The following SLCO2A1 variants were observed in gnomAD, a reference collection of about 807,000 sequenced individuals.
SLCO2A1 encodes the protein solute carrier organic anion transporter family member 2A1.
In SLCO2A1, 60 loss-of-function variants were observed where a neutral mutation model predicts 71.7. That is an observed-to-expected ratio of 0.84 (90% confidence interval 0.68 to 1.04). The LOEUF (loss-of-function observed/expected upper bound fraction) is 1.04, where lower values mean the gene tolerates loss of function less well. Among genes scored for constraint, SLCO2A1 ranks in the 50% least tolerant of loss-of-function variants. The probability of loss-of-function intolerance (pLI) is 0.00; values close to 1 mark genes in which losing one functional copy is unlikely to be tolerated. For synonymous variants in SLCO2A1, 308 were observed against 326.7 expected (o/e 0.94, Z 0.62); for missense variants, 745 against 813.4 (o/e 0.92, Z 1.02).
At position 133,955,139 on chromosome 3, in the gene SLCO2A1, G is replaced by A; in HGVS notation, c.452C>T (p.Pro151Leu). ...GGTGGTGCTGTGGCACTTACTGGGA[G>A]GCAGGTCCTGCCAATGCTTCTGGCA... The part of the protein sequence containing the change: ...ELCQKHWQDL[P>L]PSKCHSTTQN... Residue 151 changes from proline (P) to leucine (L), a missense_variant, in exon 4 of 14, where the codon CCT (proline) becomes CTT (leucine). Transcript: ENST00000310926. The A allele has an allele frequency of 6.2e-7, 1 of 1,614,148 alleles. No individual in the cohort carries two copies. Among genetic ancestry groups the A allele is most frequent in the East Asian group, 2.2e-5 (1 of 44,876 alleles).
At chr3:134,026,356 A>G (rs920081643) in intron 1 of SLCO2A1, among the ~76,000 whole-genome samples, 36 of 151,284 alleles carry the variant, frequency 2.4e-4, no homozygotes, top group Admixed American at 1.7e-3. Flanking sequence ...ATTATACTAG[A>G]TACGTAGGCA....
chr3:134,010,218 G>A (rs1054584200), intron 1 of SLCO2A1, among the ~76,000 whole-genome samples: 2 of 152,198 alleles, frequency 1.3e-5, no homozygotes, highest in Non-Finnish European at 2.9e-5. Flanking sequence ...TTGGTGCTAA[G>A]GGTGGTGTAT....
At chr3:133,994,400 TG>T in intron 1 of SLCO2A1, among the ~76,000 whole-genome samples, 1 of 152,336 alleles carries the variant, frequency 6.6e-6, no homozygotes, top group Non-Finnish European at 1.5e-5. Context: ...TTACCAAGAC[TG>T]CCAGTTACCT....
intron 2 of SLCO2A1, 83 bp from the exon 3 acceptor site, chr3:133,973,908 C>T (rs1934392643): frequency 7.3e-7 from 1 of 1,370,396 alleles, no homozygotes; most frequent in Non-Finnish European, 9.9e-7. Context: ...ACACTTCATC[C>T]AGGAAAACTG....
intron 3 of SLCO2A1, among the ~76,000 whole-genome samples, chr3:133,955,785 T>TG: frequency 1.3e-5 from 2 of 152,346 alleles, no homozygotes; most frequent in Admixed American, 1.3e-4. Flanking sequence ...GAAGACCTAC[T>TG]GCCAAAGACA....
chr3:133,984,662 A>G (rs1006227321), intron 1 of SLCO2A1, among the ~76,000 whole-genome samples: 12 of 152,248 alleles, frequency 7.9e-5, no homozygotes, highest in African/African-American at 2.9e-4. Flanking sequence ...CACCGTGCAG[A>G]TAAAACACAA....
rs190820241 is a variant in SLCO2A1, at chr3:133,973,220, C to T, written c.397+443G>A. Among the ~76,000 whole-genome samples, 53 of 152,340 alleles carry T rather than the reference C, an allele frequency of 3.5e-4. 1 individual carries two copies. In the South Asian group the frequency reaches 8.1e-3, roughly 23 times the overall value. ...TAGTGAGCATCCTATGTTCATGGAT[C>T]GGCAAACTCAACATAGTAAACATGA... On this transcript the variant is annotated intron_variant, in intron 3 of 13. Transcript: ENST00000310926.
At chr3:134,019,341 T>C (rs552095190) in intron 1 of SLCO2A1, among the ~76,000 whole-genome samples, 2 of 152,278 alleles carry the variant, frequency 1.3e-5, no homozygotes, top group East Asian at 3.9e-4. Flanking sequence ...ACTTCCATAG[T>C]TCCTGGTACA....
intron 1 of SLCO2A1, among the ~76,000 whole-genome samples, chr3:133,991,122 C>CAA (rs113300859): frequency 2.0e-5 from 3 of 150,320 alleles, no homozygotes; most frequent in South Asian, 4.2e-4. Flanking sequence ...AAAAACAAAA[C>CAA]AAAAAAAAAC....
intron 11 of SLCO2A1, among the ~76,000 whole-genome samples, chr3:133,941,919 G>A (rs1933433475): frequency 6.6e-6 from 1 of 152,148 alleles, no homozygotes; most frequent in African/African-American, 2.4e-5. Context: ...CCATGGTGTG[G>A]AGCCAGGCAG....
intron 1 of SLCO2A1, among the ~76,000 whole-genome samples, chr3:134,005,633 C>T (rs1935198126): frequency 6.6e-6 from 1 of 151,956 alleles, no homozygotes; most frequent in Non-Finnish European, 1.5e-5. Context: ...AGGCGCCTGC[C>T]ACCACGCCCG....
chr3:133,955,307 A>C, intron 3 of SLCO2A1, 114 bp from the exon 4 acceptor site: 2 of 784,512 alleles, frequency 2.5e-6, no homozygotes, highest in South Asian at 3.6e-5. Context: ...CTTTGGCCAG[A>C]GGCTGTGCTA....
chr3:134,011,682 TGA>T (rs1935348762), intron 1 of SLCO2A1, among the ~76,000 whole-genome samples: 1 of 152,032 alleles, frequency 6.6e-6, no homozygotes, highest in South Asian at 2.1e-4. Context: ...TAGCACTGGG[TGA>T]GATGCCCTGT....
chr3:133,996,495 C>T (rs1308528807), intron 1 of SLCO2A1, among the ~76,000 whole-genome samples: 3 of 152,320 alleles, frequency 2.0e-5, no homozygotes, highest in South Asian at 2.1e-4. Flanking sequence ...TACGGCATTC[C>T]GGAGTCACAC....
At chr3:133,955,578 C>A (rs540838583) in intron 3 of SLCO2A1, among the ~76,000 whole-genome samples, 2 of 152,116 alleles carry the variant, frequency 1.3e-5, no homozygotes, top group Non-Finnish European at 2.9e-5. Context: ...GGGAGGGGGT[C>A]CAGGGTCAAA....
intron 13 of SLCO2A1, among the ~76,000 whole-genome samples, chr3:133,935,476 C>T (rs922810970): frequency 2.0e-5 from 3 of 152,226 alleles, no homozygotes; most frequent in Non-Finnish European, 2.9e-5. Flanking sequence ...CAGCCATCCC[C>T]GCCCCTTCTT....
intron 1 of SLCO2A1, among the ~76,000 whole-genome samples, chr3:134,002,465 C>T (rs942033269): frequency 6.6e-6 from 1 of 152,210 alleles, no homozygotes; most frequent in Non-Finnish European, 1.5e-5. Context: ...CCCTGGCAAC[C>T]ATTTGAGTTG....
At chr3:134,010,778 G>C (rs557163601) in intron 1 of SLCO2A1, among the ~76,000 whole-genome samples, 1 of 141,166 alleles carries the variant, frequency 7.1e-6, no homozygotes, top group South Asian at 2.2e-4. Flanking sequence ...AAAAGCACCA[G>C]ATCTCCTGAG....
At chr3:133,954,285 CCCAAGTAGCTGGGA>C (rs1933828439) in intron 4 of SLCO2A1, among the ~76,000 whole-genome samples, 1 of 151,616 alleles carries the variant, frequency 6.6e-6, no homozygotes, top group Non-Finnish European at 1.5e-5. Context: ...GCCTCAGCAT[CCCAAGTAGCTGGGA>C]CCACAGGTAT....
Sources: gnomAD v4.1 joint callset for allele counts (sites outside exome capture counted in the v4.1 genomes callset) on GRCh38, gnomAD v4.1.1 for gene constraint, MANE v1.5 for transcripts, NCBI Gene and HGNC (gene_info 2026-07-23, HGNC 2026-07-21) for gene names.